The following KIAA1671 variants were observed in gnomAD, a reference collection of about 807,000 sequenced individuals.
KIAA1671 encodes the protein KIAA1671.
A neutral mutation model predicts 131.2 loss-of-function variants in KIAA1671; 52 were observed. That is an observed-to-expected ratio of 0.40 (90% CI 0.32 to 0.50). The LOEUF is 0.50. Among genes scored for constraint, KIAA1671 ranks in the 20% least tolerant of loss-of-function variants. The pLI is 0.73. For synonymous variants in KIAA1671, 1,003 were observed against 961.6 expected (o/e 1.04, Z -0.80); for missense variants, 2,360 against 2,364.2 (o/e 1.00, Z 0.04).
At chr22:24,964,430 TTTTA>T (rs1466948193) in intron 1 of KIAA1671, among the ~76,000 whole-genome samples, 1 of 152,104 alleles carries the variant, frequency 6.6e-6, no homozygotes, top group African/African-American at 2.4e-5. Flanking sequence ...GTACTTTTTT[TTTTA>T]TTTGTTATTT....
chr22:25,174,637 T>C (rs1460886927), intron 8 of KIAA1671, 148 bp downstream of exon 8: 2 of 885,400 alleles, frequency 2.3e-6, no homozygotes, highest in Non-Finnish European at 3.3e-6. Context: ...CACTTATGCA[T>C]GTATCTTGGA....
intron 6 of KIAA1671, among the ~76,000 whole-genome samples, chr22:25,109,444 C>G (rs1027911034): frequency 6.6e-6 from 1 of 152,060 alleles, no homozygotes; most frequent in Non-Finnish European, 1.5e-5. Flanking sequence ...AGCCACCGCG[C>G]CCGGCCCATC....
At chr22:24,986,634 C>CCCACCCACCCATCCACCCACCCACCCAT (rs1923551004) in intron 1 of KIAA1671, among the ~76,000 whole-genome samples, 1 of 105,734 alleles carries the variant, frequency 9.5e-6, no homozygotes, top group Admixed American at 1.0e-4. Flanking sequence ...CACCCAACCA[C>CCCACCCACCCATCCACCCACCCACCCAT]CCACCCACCC....
chr22:25,039,826 C>T lies in KIAA1671; in HGVS notation c.2696C>T (p.Ala899Val). The T allele has an allele frequency of 6.5e-7, 1 of 1,538,902 alleles. No individual in the cohort carries two copies. The highest frequency in any genetic ancestry group is 8.8e-7 in the Non-Finnish European group (1 of 1,139,106). Residue 899 changes from alanine (A) to valine (V), a missense_variant, in exon 5 of 13, where the codon GCA (alanine) becomes GTA (valine). Transcript: ENST00000358431. ...ACGAATGGGCCTTCTGACTCCCAAG[C>T]ACGAACACATCCAGATGCATTTGCT... Reference protein sequence around the residue: ...RATNGPSDSQARTHPDAFAVQ... With the variant: ...RATNGPSDSQVRTHPDAFAVQ...
chr22:24,971,050 C>T (rs576434325), intron 1 of KIAA1671, among the ~76,000 whole-genome samples: 84 of 152,166 alleles, frequency 5.5e-4, no homozygotes, highest in Non-Finnish European at 1.0e-3. Context: ...CTCTGCCTCC[C>T]GGATTCAAGT....
intron 6 of KIAA1671, among the ~76,000 whole-genome samples, chr22:25,117,058 G>A (rs1931701906): frequency 1.3e-5 from 2 of 152,156 alleles, no homozygotes; most frequent in East Asian, 1.9e-4. Flanking sequence ...CCCACTAGAA[G>A]CCAGTAGCAT....
intron 6 of KIAA1671, among the ~76,000 whole-genome samples, chr22:25,071,591 AAAG>A (rs1475551588): frequency 1.3e-5 from 2 of 152,374 alleles, no homozygotes; most frequent in Admixed American, 1.3e-4. Context: ...ACAAAGAAGA[AAAG>A]AAGTCTCCAA....
At chr22:25,055,868 GCAAA>G (rs993274587) in intron 6 of KIAA1671, 4 of 149,284 alleles carry the variant, frequency 2.7e-5, no homozygotes, top group Non-Finnish European at 6.0e-5. Flanking sequence ...AGAGAGACAG[GCAAA>G]CAGACAGACA....
intron 6 of KIAA1671, among the ~76,000 whole-genome samples, chr22:25,103,204 C>T (rs111575742): frequency 4.3e-5 from 6 of 138,892 alleles, no homozygotes; most frequent in African/African-American, 8.5e-5. Context: ...AAGTCCCCCC[C>T]CAACCGCCTT....
At chr22:25,131,300 A>G (rs916703717) in intron 6 of KIAA1671, among the ~76,000 whole-genome samples, 2 of 152,206 alleles carry the variant, frequency 1.3e-5, no homozygotes, top group Non-Finnish European at 2.9e-5. Context: ...TACCCTCTGC[A>G]GAACTGGAGT....
rs1921497682 is a variant in KIAA1671, at chr22:24,953,131, G to A, written c.-208+359G>A. Among the ~76,000 whole-genome samples the A allele has an allele frequency of 2.6e-5, 4 of 152,142 alleles. No homozygotes were observed. In the South Asian group the frequency reaches 6.2e-4, roughly 24 times the overall value. ...AGGGGATCGGGCGCTGGAGGCCTGGGGTCCCACTGGATCCCCAGTCAGGGG... is the reference window on the plus strand; with the variant it reads ...AGGGGATCGGGCGCTGGAGGCCTGGAGTCCCACTGGATCCCCAGTCAGGGG... On this transcript the variant is annotated intron_variant, in intron 1 of 12. Coordinates refer to ENST00000358431, the MANE Select transcript of KIAA1671 (RefSeq NM_001145206.2).
intron 6 of KIAA1671, among the ~76,000 whole-genome samples, chr22:25,105,882 C>G (rs1373421844): frequency 6.6e-6 from 1 of 151,724 alleles, no homozygotes; most frequent in Non-Finnish European, 1.5e-5. Context: ...GGTCATTTCA[C>G]TTCTTTCTGC....
At chr22:25,178,980 G>C (rs1270918095) in intron 9 of KIAA1671, among the ~76,000 whole-genome samples, 1 of 152,226 alleles carries the variant, frequency 6.6e-6, no homozygotes, top group African/African-American at 2.4e-5. Flanking sequence ...ACAGCCCAGC[G>C]TAAGGACCCG....
intron 1 of KIAA1671, among the ~76,000 whole-genome samples, chr22:24,958,959 C>T (rs1298625729): frequency 3.1e-5 from 4 of 127,466 alleles, no homozygotes; most frequent in East Asian, 2.2e-4. Flanking sequence ...CCAGCCTGAA[C>T]GATAGAACAA....
At chr22:25,033,226 GAA>G (rs533810224) in intron 4 of KIAA1671, among the ~76,000 whole-genome samples, 1 of 150,192 alleles carries the variant, frequency 6.7e-6, no homozygotes, top group Non-Finnish European at 1.5e-5. Context: ...ATCTCTAAAA[GAA>G]AAAAAAAATT....
intron 4 of KIAA1671, among the ~76,000 whole-genome samples, chr22:25,036,820 A>T (rs1037055161): frequency 8.5e-5 from 13 of 152,148 alleles, no homozygotes; most frequent in Non-Finnish European, 1.3e-4. Context: ...GCCACTCGGG[A>T]GGCTGAGGCA....
intron 6 of KIAA1671, among the ~76,000 whole-genome samples, chr22:25,093,856 C>CTT (rs1568951712): frequency 9.3e-6 from 1 of 107,050 alleles, no homozygotes; most frequent in Non-Finnish European, 2.1e-5. Flanking sequence ...CTCTCTCTCT[C>CTT]TCTCTCTCTC....
chr22:25,055,387 C>G (rs917255845), intron 6 of KIAA1671: 5 of 149,756 alleles, frequency 3.3e-5, no homozygotes, highest in African/African-American at 1.2e-4. Context: ...AAAGACCACA[C>G]AAGGACTGCT....
intron 12 of KIAA1671, among the ~76,000 whole-genome samples, chr22:25,191,314 C>G (rs1934666647): frequency 6.6e-6 from 1 of 151,942 alleles, no homozygotes; most frequent in Non-Finnish European, 1.5e-5. Context: ...TGCCACCATG[C>G]CCAGCTGATT....
Sources: allele counts gnomAD v4.1 joint callset (sites outside exome capture counted in the v4.1 genomes callset), GRCh38; gene constraint gnomAD v4.1.1; transcripts MANE v1.5; gene names NCBI Gene and HGNC (gene_info 2026-07-23, HGNC 2026-07-21).